AGAP3: variants seen among roughly 807,000 people sequenced by gnomAD.
AGAP3 encodes arf-GAP with GTPase, ANK repeat and PH domain-containing protein 3.
A neutral mutation model predicts 96.9 loss-of-function variants in AGAP3; 24 were observed. The observed-to-expected ratio is 0.25, with a 90% CI of 0.18 to 0.35. AGAP3 has a LOEUF of 0.35. AGAP3 is among the 10% of genes least tolerant of loss of function. AGAP3 has a pLI of 1.00. For synonymous variants in AGAP3, 563 were observed against 536.1 expected, an observed-to-expected ratio of 1.05 and a Z score of -0.69; for missense variants, 876 against 1,254.2, an observed-to-expected ratio of 0.70 and a Z score of 4.55.
chr7:151,114,014 C>T lies in AGAP3; in HGVS notation c.332-2779C>T, dbSNP rs1563461685. ...GTCCGGGCCTCAGAAGTGAGTCACT[C>T]ACCCAGAACTGCAGCGGAGGTTATC... On this transcript the variant is annotated intron_variant, in intron 1 of 17. Coordinates refer to ENST00000397238, the MANE Select transcript of AGAP3 (RefSeq NM_031946.7). This position sits in a 1 kb window ranked among gnomAD's most constrained non-coding sequence, Gnocchi z 4.4. Among the ~76,000 whole-genome samples, 1 of 152,238 alleles carries T rather than the reference C, an allele frequency of 6.6e-6. No individual in the cohort carries two copies.
rs1005148728 is a variant in AGAP3, at chr7:151,143,818, G to T, written c.2611G>T (p.Ala871Ser). ...TCGCCGGGCCGGCAGCCAGGAGTGT[G>T]CAGACATCTTGATCCAGCATGGCTG... is the stretch of plus-strand genomic sequence containing the variant. ...YARRAGSQEC[A>S]DILIQHGCPG... The change falls in exon 18 of 18, where the codon GCA (alanine) becomes TCA (serine). Residue 871 changes from alanine (A) to serine (S), a missense_variant. Around this residue, in one of 8 missense-constraint regions of AGAP3, gnomAD observed 213 missense variants for 253.8 expected, o/e 0.84. Coordinates refer to ENST00000397238, the MANE Select transcript of AGAP3 (RefSeq NM_031946.7). This position sits in a 1 kb window ranked among gnomAD's most constrained non-coding sequence, Gnocchi z 5.9. 6 of 1,614,106 alleles carry T rather than the reference G, an allele frequency of 3.7e-6. No homozygotes were observed. Among genetic ancestry groups the T allele is most frequent in the Non-Finnish European group, 4.2e-6 (5 of 1,180,046 alleles).
In AGAP3 at chr7:151,128,752, G is replaced by C. The variant is rs7808252; in HGVS notation, c.1326+68G>C. 47 of 1,364,344 alleles carry C rather than the reference G, an allele frequency of 3.4e-5. No homozygotes were observed. The South Asian group carries it at 3.9e-4, about 11-fold the overall frequency. 84.5% of individuals were successfully genotyped at this position (1,364,344 alleles called of 1,614,324 possible). On this transcript the variant is annotated intron_variant, in intron 10 of 17. Coordinates refer to ENST00000397238, the MANE Select transcript of AGAP3 (RefSeq NM_031946.7). ...GGGTGGAGGGAGGATAACAGAATGCGGGTAGCAGACAGGCTCCAGGATGGA... is the reference window on the plus strand; with the variant it reads ...GGGTGGAGGGAGGATAACAGAATGCCGGTAGCAGACAGGCTCCAGGATGGA...
rs898726062 is a variant in AGAP3, at chr7:151,117,300, A to C, written c.479-71A>C. On this transcript the variant is annotated intron_variant, in intron 3 of 17. Coordinates refer to ENST00000397238, the MANE Select transcript of AGAP3 (RefSeq NM_031946.7). ...CAGTCCTCTTCCCTCCCGCATGGGA[A>C]GCTGTAGATTTCTTCTTGGCCCCTG... is the stretch of plus-strand genomic sequence containing the variant. 2.5e-6 allele frequency: 4 copies of C among 1,599,620 alleles called. No homozygotes were observed. In the African/African-American group the frequency reaches 4.0e-5, roughly 16 times the overall value.
intron 1 of AGAP3, among the ~76,000 whole-genome samples, chr7:151,106,523 G>T (rs1390962378): frequency 6.6e-6 from 1 of 151,882 alleles, no homozygotes; most frequent in African/African-American, 2.4e-5. Flanking sequence ...TGTCACCCAG[G>T]CTGGAGTGCA....
chr7:151,137,151 T>C (rs926377284), intron 11 of AGAP3, among the ~76,000 whole-genome samples: 4 of 152,222 alleles, frequency 2.6e-5, no homozygotes, highest in African/African-American at 4.8e-5. Flanking sequence ...TGGTGCCGTC[T>C]CCCCGCAGGC....
chr7:151,103,177 A>G (rs1157533539), intron 1 of AGAP3, among the ~76,000 whole-genome samples: 1 of 152,244 alleles, frequency 6.6e-6, no homozygotes, highest in Admixed American at 6.5e-5. Flanking sequence ...ACAGGGTAGT[A>G]TTAACCCCAT....
At chr7:151,123,073 C>G (rs1229723641) in intron 8 of AGAP3, 32 of 1,242,966 alleles carry the variant, frequency 2.6e-5, no homozygotes, top group Middle Eastern at 3.3e-4. Flanking sequence ...CGACGAGGCC[C>G]AGAGGGGCGG....
In AGAP3 at chr7:151,117,606, C is replaced by T. The variant is rs144199072; in HGVS notation, c.565-30C>T. The T allele has an allele frequency of 7.3e-4, 1,182 of 1,612,542 alleles. 8 individuals are homozygous for T. In the Middle Eastern group the frequency reaches 0.011, roughly 16 times the overall value. On this transcript the variant is annotated intron_variant, in intron 4 of 17. Coordinates refer to ENST00000397238, the MANE Select transcript of AGAP3 (RefSeq NM_031946.7). The stretch of plus-strand genomic sequence containing the variant: ...CATGGGAGTTTGCCAGGTCCAGTTG[C>T]GGGTGCTAATTTTACTTGCTCTACC...
At chr7:151,112,368 C>A (rs2150447183) in intron 1 of AGAP3, 1 of 152,360 alleles carries the variant, frequency 6.6e-6, no homozygotes, top group African/African-American at 2.4e-5. Context: ...CTTTTGGGGA[C>A]TGGGATTGCT....
intron 1 of AGAP3, among the ~76,000 whole-genome samples, chr7:151,105,792 CCACACACA>C (rs60071807): frequency 1.4e-3 from 37 of 26,928 alleles, no homozygotes; most frequent in East Asian, 3.5e-3. Context: ...CCCCCCGACA[CCACACACA>C]CACACACACA....
In AGAP3 at chr7:151,143,303, C is replaced by A; in HGVS notation, c.2274-38C>A. 6.4e-7 allele frequency: 1 copy of A among 1,567,098 alleles called. No individual in the cohort carries two copies. Among genetic ancestry groups the A allele is most frequent in the Non-Finnish European group, 8.7e-7 (1 of 1,154,036 alleles). ...CTGGCCCCACCCGTTGCTCGGTGAC[C>A]TTCCTTGGCTCATGCCCTGATGGGC... On this transcript the variant is annotated intron_variant, in intron 16 of 17. Coordinates refer to ENST00000397238, the MANE Select transcript of AGAP3 (RefSeq NM_031946.7). The surrounding 1 kb of genome is among the most constrained non-coding windows in gnomAD (Gnocchi z 5.9).
intron 1 of AGAP3, among the ~76,000 whole-genome samples, chr7:151,103,690 T>C (rs1162011910): frequency 1.3e-5 from 2 of 152,162 alleles, no homozygotes; most frequent in Non-Finnish European, 2.9e-5. Context: ...CTCCCTGATA[T>C]TTAGTAGCTG....
Position 151,143,404 on chromosome 7 carries a change from A to G in AGAP3, c.2337A>G (p.Pro779=), listed in dbSNP as rs1030051312. ...YEQKLFLAPL[P]SSDVPLGQQL... is the part of the protein sequence containing the mutation. ...AGAAGCTCTTCCTGGCCCCACTGCC[A>G]AGCTCAGATGTGCCACTGGGGCAGC... Residue 779 remains proline (P), a synonymous_variant, in exon 17 of 18, where the codon CCA becomes CCG. Coordinates refer to ENST00000397238, the MANE Select transcript of AGAP3 (RefSeq NM_031946.7). This position sits in a 1 kb window ranked among gnomAD's most constrained non-coding sequence, Gnocchi z 5.9. The G allele has an allele frequency of 6.2e-7, 1 of 1,614,088 alleles. No individual in the cohort carries two copies. The highest frequency in any genetic ancestry group is 1.7e-5 in the Admixed American group (1 of 60,004).
intron 1 of AGAP3, among the ~76,000 whole-genome samples, chr7:151,097,721 C>T (rs933136663): frequency 2.6e-5 from 4 of 151,822 alleles, no homozygotes; most frequent in East Asian, 1.9e-4. Context: ...CTTCAACAGC[C>T]GCAGTGGGGA....
At chr7:151,112,396 C>CGTATGTGTGTGT (rs372118031) in intron 1 of AGAP3, among the ~76,000 whole-genome samples, 10 of 139,848 alleles carry the variant, frequency 7.2e-5, no homozygotes, top group African/African-American at 2.6e-4. Context: ...TTCCCCGAGA[C>CGTATGTGTGTGT]GTGTGTGTGT....
Position 151,134,488 on chromosome 7 carries a change from C to A in AGAP3, c.1415C>A (p.Pro472His). The A allele has an allele frequency of 6.2e-7, 1 of 1,613,344 alleles. No individual in the cohort carries two copies. The highest frequency in any genetic ancestry group is 1.3e-5 in the African/African-American group (1 of 75,062). ...VPGKRLPRATPATAPGTSPRA... is the reference protein window; with the variant it reads ...VPGKRLPRATHATAPGTSPRA... The stretch of plus-strand genomic sequence containing the variant: ...GGGAAGCGCCTGCCCCGAGCCACAC[C>A]TGCCACAGCCCCGGGCACCAGCCCC... Residue 472 changes from proline (P) to histidine (H), a missense_variant, in exon 11 of 18, where the codon CCT becomes CAT. This residue lies in a region of AGAP3 where 63 missense variants were observed against 114.5 expected (regional missense o/e 0.55). Coordinates refer to ENST00000397238, the MANE Select transcript of AGAP3 (RefSeq NM_031946.7).
rs1439667732 is a variant in AGAP3 at position 151,133,560 on chromosome 7, A to T, written c.1327-840A>T. Among the ~76,000 whole-genome samples the T allele has an allele frequency of 1.3e-5, 2 of 152,122 alleles. No individual in the cohort carries two copies. Among genetic ancestry groups the T allele is most frequent in the Non-Finnish European group, 2.9e-5 (2 of 68,010 alleles). On this transcript the variant is annotated intron_variant, in intron 10 of 17. Transcript: ENST00000397238. The surrounding 1 kb of genome is among the most constrained non-coding windows in gnomAD (Gnocchi z 5.4). ...CCCGGGCCCAGGACAGGCTGGAGGAAGCCTGCACACAGGGCACAGGCTTGG... is the reference window on the plus strand; with the variant it reads ...CCCGGGCCCAGGACAGGCTGGAGGATGCCTGCACACAGGGCACAGGCTTGG...
At chr7:151,137,406 A>T (rs1263196258) in intron 11 of AGAP3, among the ~76,000 whole-genome samples, 1 of 152,222 alleles carries the variant, frequency 6.6e-6, no homozygotes, top group Non-Finnish European at 1.5e-5. Flanking sequence ...GGACTGAAGA[A>T]GGGGAAGGAA....
chr7:151,118,188 C>A lies in AGAP3; in HGVS notation c.707-22C>A. On this transcript the variant is annotated intron_variant, in intron 5 of 17. Transcript: ENST00000397238. The surrounding 1 kb of genome is among the most constrained non-coding windows in gnomAD (Gnocchi z 6.1). The stretch of plus-strand genomic sequence containing the variant: ...CAGCTTCTCCGAAAGCTGAATGACT[C>A]CCGCCCTCCCACCTCCAACAGATGC... The A allele has an allele frequency of 6.3e-7, 1 of 1,593,518 alleles. No homozygotes were observed. The highest frequency in any genetic ancestry group is 1.1e-5 in the South Asian group (1 of 89,076).
Sources: gnomAD v4.1 joint callset for allele counts (sites outside exome capture counted in the v4.1 genomes callset) on GRCh38, gnomAD v4.1.1 for gene constraint, gnomAD v4.1.1 regional missense constraint, Gnocchi (gnomAD v3.1) non-coding constraint, MANE v1.5 for transcripts, NCBI Gene and HGNC (gene_info 2026-07-23, HGNC 2026-07-21) for gene names.